The following ADGRL3 variants were observed in gnomAD, a reference collection of about 807,000 sequenced individuals.
ADGRL3 encodes the protein calcium-independent alpha-latrotoxin receptor 3.
A neutral mutation model predicts 153.5 loss-of-function variants in ADGRL3; 62 were observed. That is an observed-to-expected ratio of 0.40 (90% CI 0.33 to 0.50). The LOEUF is 0.50. ADGRL3 is among the 20% of genes least tolerant of loss of function. The pLI is 0.47. For missense variants in ADGRL3, 1,641 were observed against 1,859.4 expected, an observed-to-expected ratio of 0.88 and a Z score of 2.16; for synonymous variants, 710 against 672.5, an observed-to-expected ratio of 1.06 and a Z score of -0.86.
chr4:61,910,549 A>G (rs2098717391), intron 12 of ADGRL3, among the ~76,000 whole-genome samples: 1 of 151,652 alleles, frequency 6.6e-6, no homozygotes, highest in Non-Finnish European at 1.5e-5. Context: ...CCCATGGTAA[A>G]ACATATTAGC....
At chr4:62,063,366 TTA>T (rs946887241) in intron 25 of ADGRL3, 3 of 452,002 alleles carry the variant, frequency 6.6e-6, no homozygotes, top group Non-Finnish European at 1.2e-5. Flanking sequence ...GCATATTTTT[TTA>T]GTCTAGTTAG....
chr4:61,803,272 A>C (rs757289091), intron 8 of ADGRL3, among the ~76,000 whole-genome samples: 3 of 152,166 alleles, frequency 2.0e-5, no homozygotes, highest in Non-Finnish European at 4.4e-5. Flanking sequence ...GTTTGAAGTT[A>C]ATAGTGAAAT....
intron 2 of ADGRL3, among the ~76,000 whole-genome samples, chr4:61,488,833 T>G (rs2098225944): frequency 6.6e-6 from 1 of 152,062 alleles, no homozygotes; most frequent in Non-Finnish European, 1.5e-5. Context: ...CACAGATTGC[T>G]TAAGGTATTT....
intron 2 of ADGRL3, among the ~76,000 whole-genome samples, chr4:61,410,765 G>C (rs1025321805): frequency 6.6e-6 from 1 of 152,170 alleles, no homozygotes; most frequent in Non-Finnish European, 1.5e-5. Flanking sequence ...GCAGGCTGCT[G>C]TCCTGAGCCA....
intron 8 of ADGRL3, among the ~76,000 whole-genome samples, chr4:61,772,818 A>G (rs2097102095): frequency 6.6e-6 from 1 of 152,184 alleles, no homozygotes; most frequent in African/African-American, 2.4e-5. Context: ...TCAGCTTAAA[A>G]TATTCAATGT....
intron 2 of ADGRL3, chr4:61,385,307 A>T (rs1235833096): frequency 2.0e-5 from 3 of 152,146 alleles, no homozygotes; most frequent in Non-Finnish European, 4.4e-5. Context: ...TAGAATAGAA[A>T]ATTAAGCTTT....
intron 5 of ADGRL3, among the ~76,000 whole-genome samples, chr4:61,643,336 G>A (rs372930992): frequency 6.6e-6 from 1 of 152,000 alleles, no homozygotes; most frequent in Non-Finnish European, 1.5e-5. Context: ...TTGAGTAGGA[G>A]TGGTGAGAGA....
At chr4:61,235,279 C>T (rs923054939) in intron 1 of ADGRL3, among the ~76,000 whole-genome samples, 5 of 152,018 alleles carry the variant, frequency 3.3e-5, no homozygotes, top group African/African-American at 9.7e-5. Flanking sequence ...TATGTTTTTA[C>T]TCTGTATTTG....
intron 5 of ADGRL3, among the ~76,000 whole-genome samples, chr4:61,661,816 T>A (rs1485846745): frequency 6.6e-6 from 1 of 152,170 alleles, no homozygotes; most frequent in African/African-American, 2.4e-5. Flanking sequence ...GCAATCTTAT[T>A]TGGGATCAAT....
chr4:61,498,596 T>G (rs1026269426), intron 3 of ADGRL3, among the ~76,000 whole-genome samples: 1 of 152,042 alleles, frequency 6.6e-6, no homozygotes. Context: ...TATTAATGTG[T>G]GTTTTCACTT....
chr4:61,291,590 A>G (rs62312933), intron 1 of ADGRL3, among the ~76,000 whole-genome samples: 2,014 of 15,294 alleles, frequency 0.13, 31 homozygotes, highest in Middle Eastern at 0.25. Context: ...ATACATATAT[A>G]TATATATATA....
intron 9 of ADGRL3, among the ~76,000 whole-genome samples, chr4:61,816,548 A>G (rs2097690366): frequency 6.6e-6 from 1 of 152,254 alleles, no homozygotes; most frequent in Non-Finnish European, 1.5e-5. Flanking sequence ...CCATGAATAT[A>G]AGAAGAGGAA....
intron 5 of ADGRL3, among the ~76,000 whole-genome samples, chr4:61,668,468 A>T (rs2094878932): frequency 2.0e-5 from 3 of 152,220 alleles, no homozygotes; most frequent in Non-Finnish European, 2.9e-5. Flanking sequence ...GAAAAAACGA[A>T]TACAATATCC....
At chr4:61,719,666 T>C (rs1431790292) in intron 6 of ADGRL3, among the ~76,000 whole-genome samples, 2 of 148,768 alleles carry the variant, frequency 1.3e-5, no homozygotes, top group Non-Finnish European at 3.0e-5. Flanking sequence ...GCAGTGGCCA[T>C]GCTTGGCTCA....
chr4:61,790,209 G>A (rs542676079), intron 8 of ADGRL3, among the ~76,000 whole-genome samples: 12 of 152,036 alleles, frequency 7.9e-5, no homozygotes, highest in Non-Finnish European at 1.5e-4. Flanking sequence ...AAAACAAATA[G>A]GTTATTTTTA....
intron 1 of ADGRL3, among the ~76,000 whole-genome samples, chr4:61,373,704 T>G (rs1027534937): frequency 1.3e-5 from 2 of 152,196 alleles, no homozygotes; most frequent in African/African-American, 4.8e-5. Context: ...TTTAATAGAC[T>G]TTTTTACTTT....
At chr4:61,846,962 G>GTC (rs1023636278) in intron 9 of ADGRL3, among the ~76,000 whole-genome samples, 1 of 150,718 alleles carries the variant, frequency 6.6e-6, no homozygotes, top group African/African-American at 2.5e-5. Flanking sequence ...GTGTGTGTGT[G>GTC]TGTGTGTGTA....
chr4:61,748,716 G>A (rs1039403679), intron 8 of ADGRL3, among the ~76,000 whole-genome samples: 2 of 152,034 alleles, frequency 1.3e-5, no homozygotes, highest in African/African-American at 4.8e-5. Flanking sequence ...AATTCAAGGT[G>A]GATTAAAGAC....
chr4:61,672,949 A>G (rs888355389), intron 5 of ADGRL3, among the ~76,000 whole-genome samples: 11 of 152,004 alleles, frequency 7.2e-5, no homozygotes, highest in African/African-American at 2.7e-4. Flanking sequence ...AGATGAATAG[A>G]TAAAAAGTAA....
Sources: allele counts gnomAD v4.1 joint callset (sites outside exome capture counted in the v4.1 genomes callset), GRCh38; gene constraint gnomAD v4.1.1; transcripts MANE v1.5; gene names NCBI Gene and HGNC (gene_info 2026-07-23, HGNC 2026-07-21).